The following NAA40 variants were observed in gnomAD, a reference collection of about 807,000 sequenced individuals.
NAA40 encodes the protein N-alpha-acetyltransferase 40.
In NAA40, 26 loss-of-function variants were observed where a neutral mutation model predicts 36.6. That is an observed-to-expected ratio of 0.71 (90% confidence interval 0.52 to 0.98). NAA40 has a LOEUF of 0.98. NAA40 is among the 50% of genes least tolerant of loss of function. The pLI is 0.00. For synonymous variants in NAA40, 129 were observed against 108.4 expected (o/e 1.19, Z -1.18); for missense variants, 237 against 306.5 (o/e 0.77, Z 1.69).
In NAA40 at chr11:63,954,032, C is replaced by A; in HGVS notation, c.555C>A (p.Phe185Leu). Residue 185 changes from phenylalanine (F) to leucine (L), a missense_variant, in exon 7 of 8, where the codon TTC (phenylalanine) becomes TTA (leucine). By Grantham distance (22) the Phe-to-Leu change is conservative. Transcript: ENST00000377793. ...VFKHNHGAYQ[F>L]FREALQFEID... ...AACACAATCATGGTGCCTACCAGTT[C>A]TTCAGAGAAGCGTTGCAGTAAGGAG... 2 of 1,614,162 alleles carry A rather than the reference C, an allele frequency of 1.2e-6. No homozygotes were observed. Among genetic ancestry groups the A allele is most frequent in the Non-Finnish European group, 1.7e-6 (2 of 1,180,034 alleles).
chr11:63,940,284 C>T (rs1334536728), intron 1 of NAA40, among the ~76,000 whole-genome samples: 1 of 152,044 alleles, frequency 6.6e-6, no homozygotes, highest in African/African-American at 2.4e-5. Context: ...CTCCTGACCT[C>T]GTGATTCACC....
chr11:63,950,123 T>G (rs770481595), intron 3 of NAA40, among the ~76,000 whole-genome samples: 499 of 16,808 alleles, frequency 0.03, 2 homozygotes, highest in Admixed American at 0.11. Flanking sequence ...GTTTTTTTTG[T>G]TTTTTTTTTT....
At chr11:63,947,388 CAA>C (rs929635155) in intron 3 of NAA40, among the ~76,000 whole-genome samples, 52 of 150,960 alleles carry the variant, frequency 3.4e-4, no homozygotes, top group African/African-American at 1.1e-3. Context: ...GCTTGGGTAA[CAA>C]GAGTGAAACT....
Position 63,954,069 on chromosome 11 carries a change from C to T in NAA40, c.572+20C>T, listed in dbSNP as rs1291985913. The T allele has an allele frequency of 6.2e-7, 1 of 1,612,916 alleles. No homozygotes were observed. Among genetic ancestry groups the T allele is most frequent in the South Asian group, 1.1e-5 (1 of 91,010 alleles). On this transcript the variant is annotated intron_variant, in intron 7 of 7. Transcript: ENST00000377793. ...GTTGCAGTAAGGAGCTGGGTGTGGG[C>T]CCTTCTGGGTGGTAGGTGGGCCTGC... is the stretch of plus-strand genomic sequence containing the variant.
chr11:63,939,794 G>C (rs1480572611), intron 1 of NAA40, among the ~76,000 whole-genome samples: 1 of 152,144 alleles, frequency 6.6e-6, no homozygotes, highest in Non-Finnish European at 1.5e-5. Flanking sequence ...TTTTTGCAAG[G>C]GGAGGGCTGT....
rs201242789 is a variant in NAA40, at chr11:63,954,527, C to T, written c.*48C>T. On this transcript the variant is annotated 3_prime_UTR_variant, in exon 8 of 8. Transcript: ENST00000377793. ...CACAATGCTCTCTCCTAAGGCCTTT[C>T]CTCTTTCCTGGTCTCACTGTTCACC... 84 of 1,537,432 alleles carry T rather than the reference C, an allele frequency of 5.5e-5. 1 individual carries two copies. In the East Asian group the frequency reaches 1.4e-3, roughly 26 times the overall value.
chr11:63,952,333 T>C lies in NAA40; in HGVS notation c.251T>C (p.Met84Thr), dbSNP rs1942293610. 5 of 1,613,806 alleles carry C rather than the reference T, an allele frequency of 3.1e-6. No homozygotes were observed. Among genetic ancestry groups the C allele is most frequent in the African/African-American group, 1.3e-5 (1 of 75,018 alleles). The change falls in exon 4 of 8, where the codon ATG becomes ACG. Residue 84 changes from methionine to threonine, a missense_variant and splice_region_variant. Coordinates refer to ENST00000377793, the MANE Select transcript of NAA40 (RefSeq NM_024771.4). Reference sequence around the variant, plus strand: ...CTGACCAAAACGAATATGCAAACCATGTAAGCTTGTCCCAACCAGGGGAGC... The same window carrying C: ...CTGACCAAAACGAATATGCAAACCACGTAAGCTTGTCCCAACCAGGGGAGC... ...FDLTKTNMQT[M>T]YEQSEWGWKD...
At chr11:63,949,288 A>T (rs1382224943) in intron 3 of NAA40, among the ~76,000 whole-genome samples, 1 of 152,222 alleles carries the variant, frequency 6.6e-6, no homozygotes, top group Non-Finnish European at 1.5e-5. Context: ...CTGCAGCATA[A>T]TAAAAGCTAG....
intron 2 of NAA40, 28 bp downstream of exon 2, chr11:63,945,963 G>C (rs1366639937): frequency 3.1e-6 from 5 of 1,587,404 alleles, no homozygotes; most frequent in African/African-American, 1.3e-5. Flanking sequence ...CCCAGTCCCT[G>C]CCTCCTGGGA....
intron 3 of NAA40, among the ~76,000 whole-genome samples, chr11:63,951,676 C>CG (rs1439633084): frequency 2.6e-5 from 4 of 152,062 alleles, no homozygotes; most frequent in Non-Finnish European, 5.9e-5. Flanking sequence ...GAGTATCCCC[C>CG]CTGCTCAGAT....
chr11:63,944,641 G>A (rs555135351), intron 1 of NAA40, among the ~76,000 whole-genome samples: 2 of 152,232 alleles, frequency 1.3e-5, no homozygotes, highest in South Asian at 2.1e-4. Context: ...AGTGGCTCAC[G>A]CCTGTAATCC....
At chr11:63,946,144 C>A (rs1942182832) in intron 2 of NAA40, 1 of 574,036 alleles carries the variant, frequency 1.7e-6, no homozygotes, top group East Asian at 2.9e-5. Context: ...AACGTGGATT[C>A]CAGTGAAGTG....
chr11:63,945,833 G>T lies in NAA40; in HGVS notation c.7-7G>T. On this transcript the variant is annotated splice_region_variant and splice_polypyrimidine_tract_variant and intron_variant, in intron 1 of 7. Coordinates refer to ENST00000377793, the MANE Select transcript of NAA40 (RefSeq NM_024771.4). ...ATTCCAGCTAACGTTGCTTTTCCCT[G>T]TTGCAGAGAAAGTCAAGCAAAGCCA... is the stretch of plus-strand genomic sequence containing the variant. The T allele has an allele frequency of 6.2e-7, 1 of 1,613,778 alleles. No homozygotes were observed. Among genetic ancestry groups the T allele is most frequent in the Non-Finnish European group, 8.5e-7 (1 of 1,179,718 alleles).
Position 63,957,087 on chromosome 11 carries a change from C to T in NAA40, c.*2608C>T, listed in dbSNP as rs1942378424. On this transcript the variant is annotated 3_prime_UTR_variant, in exon 8 of 8. Transcript: ENST00000377793. ...AAGATTTTTAAAATTTTAGTTATAT[C>T]CACCCTATTTCAGGTTATTTTTGTT... is the stretch of plus-strand genomic sequence containing the variant. The T allele has an allele frequency of 6.6e-6, 1 of 150,786 alleles. No homozygotes were observed. The highest frequency in any genetic ancestry group is 1.5e-5 in the Non-Finnish European group (1 of 67,856). 9.3% of individuals were successfully genotyped at this position (150,786 alleles called of 1,614,324 possible).
intron 2 of NAA40, 175 bp from the exon 3 acceptor site, chr11:63,946,776 C>T: frequency 6.5e-7 from 1 of 1,539,750 alleles, no homozygotes; most frequent in Non-Finnish European, 8.7e-7. Context: ...CTTCCTCGCA[C>T]ATGTGACTTC....
Position 63,945,945 on chromosome 11 carries a change from CCTTT to C in NAA40, c.102+14_102+17del, listed in dbSNP as rs1271188450. 8 of 1,612,386 alleles carry C rather than the reference CCTTT, an allele frequency of 5.0e-6. No homozygotes were observed. Among genetic ancestry groups the C allele is most frequent in the African/African-American group, 4.0e-5 (3 of 74,858 alleles). On this transcript the variant is annotated intron_variant, in intron 2 of 7. Coordinates refer to ENST00000377793, the MANE Select transcript of NAA40 (RefSeq NM_024771.4). ...GGACGCTGCCAACAGGGTGATTCTC[CCTTT>C]CTTCCCAGTCCCTGCCTCCTGGGAC...
At chr11:63,942,051 C>T (rs1431749677) in intron 1 of NAA40, among the ~76,000 whole-genome samples, 2 of 152,146 alleles carry the variant, frequency 1.3e-5, no homozygotes, top group Non-Finnish European at 2.9e-5. Flanking sequence ...AGGGTTCAAA[C>T]GTGGATTTGG....
At chr11:63,944,032 C>T (rs192201517) in intron 1 of NAA40, among the ~76,000 whole-genome samples, 43 of 152,238 alleles carry the variant, frequency 2.8e-4, no homozygotes, top group African/African-American at 6.5e-4. Context: ...TGTTCCACAG[C>T]GCTCAGCCAT....
rs763324294 is a variant in NAA40 at position 63,952,395 on chromosome 11, C to A, written c.252-12C>A. The A allele has an allele frequency of 6.2e-7, 1 of 1,613,536 alleles. No individual in the cohort carries two copies. Among genetic ancestry groups the A allele is most frequent in the Non-Finnish European group, 8.5e-7 (1 of 1,179,452 alleles). ...CGCAGCTTTCCCGTCTGACTGCTCCCAAATTCCCCAGGTATGAGCAGAGCG... is the reference window on the plus strand; with the variant it reads ...CGCAGCTTTCCCGTCTGACTGCTCCAAAATTCCCCAGGTATGAGCAGAGCG... On this transcript the variant is annotated splice_polypyrimidine_tract_variant and intron_variant, in intron 4 of 7. Transcript: ENST00000377793.
Sources: gnomAD v4.1 joint callset for allele counts (sites outside exome capture counted in the v4.1 genomes callset) on GRCh38, gnomAD v4.1.1 for gene constraint, MANE v1.5 for transcripts, NCBI Gene and HGNC (gene_info 2026-07-23, HGNC 2026-07-21) for gene names.